The following EPC2 variants were observed in gnomAD, a reference collection of about 807,000 sequenced individuals.
EPC2 encodes the protein enhancer of polycomb 2.
EPC2 carries 14 observed loss-of-function variants against 92.1 expected under a neutral mutation model. The ratio of observed to expected loss-of-function variants is 0.15; its 90% confidence interval spans 0.10 to 0.24. EPC2 has a LOEUF of 0.24. EPC2 is among the 10% of genes least tolerant of loss of function. The probability of loss-of-function intolerance (pLI) is 1.00; values close to 1 mark genes in which losing one functional copy is unlikely to be tolerated. For synonymous variants in EPC2, 340 were observed against 334.7 expected, an observed-to-expected ratio of 1.02 and a Z score of -0.17; for missense variants, 755 against 971.5, an observed-to-expected ratio of 0.78 and a Z score of 2.96.
intron 2 of EPC2, among the ~76,000 whole-genome samples, chr2:148,707,021 G>A (rs1037955653): frequency 6.6e-6 from 1 of 152,138 alleles, no homozygotes; most frequent in Admixed American, 6.5e-5. Flanking sequence ...ATGTAAATGG[G>A]TTAAATGCCC....
At chr2:148,722,441 C>G (rs1356168915) in intron 2 of EPC2, among the ~76,000 whole-genome samples, 1 of 152,126 alleles carries the variant, frequency 6.6e-6, no homozygotes. Context: ...CATCACTAAT[C>G]ATTAGAGAAA....
At chr2:148,773,674 T>C (rs1340452823) in intron 10 of EPC2, among the ~76,000 whole-genome samples, 1 of 152,122 alleles carries the variant, frequency 6.6e-6, no homozygotes, top group Non-Finnish European at 1.5e-5. Flanking sequence ...GCAATATAAA[T>C]ACATAATGAA....
intron 2 of EPC2, among the ~76,000 whole-genome samples, chr2:148,704,452 A>G (rs192940007): frequency 2.0e-3 from 311 of 152,324 alleles, no homozygotes; most frequent in African/African-American, 7.2e-3. Flanking sequence ...TGATTATGCA[A>G]CATTATGAAT....
At chr2:148,647,619 CTTTTTT>C (rs55731814) in intron 1 of EPC2, among the ~76,000 whole-genome samples, 2,102 of 63,844 alleles carry the variant, frequency 0.033, 23 homozygotes, top group East Asian at 0.042. Flanking sequence ...GCCTTGCAGA[CTTTTTT>C]TTTTTTTTTT....
At position 148,761,807 on chromosome 2, in the gene EPC2, A is replaced by T; in HGVS notation, c.692A>T (p.Tyr231Phe). The T allele has an allele frequency of 6.4e-7, 1 of 1,558,978 alleles. No homozygotes were observed. The highest frequency in any genetic ancestry group is 2.3e-5 in the East Asian group (1 of 43,106). ...AATCGTAAGAATGATGAAGCCTCTT[A>T]TGAAAAGATGTTGAAACTGAGACGA... ...RKNRKNDEAS[Y>F]EKMLKLRREF... Residue 231 changes from tyrosine (Y) to phenylalanine (F), a missense_variant, in exon 5 of 14, where the codon TAT becomes TTT. Tyr to Phe is a conservative substitution (Grantham distance 22, BLOSUM62 3). Around this residue, in one of 4 missense-constraint regions of EPC2, gnomAD observed 509 missense variants for 607.7 expected, o/e 0.84. Transcript: ENST00000258484.
chr2:148,697,378 C>A (rs964658827), intron 2 of EPC2, among the ~76,000 whole-genome samples: 3 of 151,182 alleles, frequency 2.0e-5, no homozygotes, highest in African/African-American at 7.3e-5. Flanking sequence ...AAAAGGCAGA[C>A]GTGTATAACT....
intron 5 of EPC2, chr2:148,762,233 A>G (rs1264069430): frequency 5.2e-6 from 1 of 193,576 alleles, no homozygotes; most frequent in African/African-American, 2.4e-5. Flanking sequence ...ACTTCTCTGT[A>G]TTAAATTTTC....
intron 10 of EPC2, among the ~76,000 whole-genome samples, chr2:148,778,838 G>A (rs1338613208): frequency 2.0e-5 from 3 of 151,926 alleles, no homozygotes; most frequent in African/African-American, 7.3e-5. Context: ...TGTCAAGAAT[G>A]GATATAACAT....
intron 1 of EPC2, among the ~76,000 whole-genome samples, chr2:148,676,875 G>C (rs1414036970): frequency 2.0e-5 from 3 of 146,510 alleles, no homozygotes; most frequent in African/African-American, 5.4e-5. Flanking sequence ...CTTTTTTTGG[G>C]GGGGGGGTTG....
At chr2:148,770,130 T>G (rs1683488432) in intron 8 of EPC2, among the ~76,000 whole-genome samples, 1 of 152,166 alleles carries the variant, frequency 6.6e-6, no homozygotes, top group Non-Finnish European at 1.5e-5. Context: ...TCACCGTAAC[T>G]TCAAACTCCT....
chr2:148,732,307 C>T (rs894987292), intron 2 of EPC2, among the ~76,000 whole-genome samples: 3 of 151,908 alleles, frequency 2.0e-5, no homozygotes, highest in East Asian at 1.9e-4. Context: ...CTCCTGATGC[C>T]GTCAAACAGT....
At chr2:148,654,533 C>G (rs1233672530) in intron 1 of EPC2, among the ~76,000 whole-genome samples, 1 of 152,094 alleles carries the variant, frequency 6.6e-6, no homozygotes, top group Non-Finnish European at 1.5e-5. Context: ...TGGCATGTAC[C>G]TGTAGTCTCA....
At chr2:148,678,963 C>T (rs1046701213) in intron 1 of EPC2, among the ~76,000 whole-genome samples, 2 of 152,202 alleles carry the variant, frequency 1.3e-5, no homozygotes, top group Non-Finnish European at 2.9e-5. Context: ...GCGGGAAGAC[C>T]ACTTGAGCCT....
At chr2:148,770,083 T>C (rs1354347438) in intron 8 of EPC2, among the ~76,000 whole-genome samples, 1 of 152,184 alleles carries the variant, frequency 6.6e-6, no homozygotes, top group Non-Finnish European at 1.5e-5. Context: ...TCTTGCTCTG[T>C]CACCAAGGCT....
intron 7 of EPC2, among the ~76,000 whole-genome samples, chr2:148,767,498 A>G (rs994476697): frequency 2.0e-5 from 3 of 152,208 alleles, no homozygotes; most frequent in Admixed American, 6.5e-5. Context: ...CTAAAGAGTA[A>G]GTATTAATGT....
chr2:148,645,208 T>C (rs1683768486), intron 1 of EPC2, 38 bp downstream of exon 1: 1 of 1,453,640 alleles, frequency 6.9e-7, no homozygotes, highest in Non-Finnish European at 9.3e-7. Context: ...CCTTCCCTCC[T>C]CCCCCCTCCC....
At chr2:148,646,968 G>T (rs1683816409) in intron 1 of EPC2, among the ~76,000 whole-genome samples, 1 of 152,096 alleles carries the variant, frequency 6.6e-6, no homozygotes, top group Non-Finnish European at 1.5e-5. Flanking sequence ...AAATTAGCCG[G>T]GCCTGGTGGT....
intron 1 of EPC2, among the ~76,000 whole-genome samples, chr2:148,685,691 C>T (rs989134183): frequency 4.6e-5 from 7 of 152,162 alleles, no homozygotes; most frequent in East Asian, 1.9e-4. Flanking sequence ...AGCTCCGCTT[C>T]GGGGGGCAGA....
chr2:148,681,874 C>T (rs1006644060), intron 1 of EPC2, among the ~76,000 whole-genome samples: 1 of 152,094 alleles, frequency 6.6e-6, no homozygotes, highest in South Asian at 2.1e-4. Context: ...TCCCCCTACC[C>T]CCTACCCGAC....
Sources: allele counts gnomAD v4.1 joint callset (sites outside exome capture counted in the v4.1 genomes callset), GRCh38; gene constraint gnomAD v4.1.1; regional missense constraint gnomAD v4.1.1; transcripts MANE v1.5; gene names NCBI Gene and HGNC (gene_info 2026-07-23, HGNC 2026-07-21).